ENPP2: variants seen among roughly 807,000 people sequenced by gnomAD.
The protein encoded by ENPP2 is autotaxin.
In ENPP2, 51 loss-of-function variants were observed where a neutral mutation model predicts 120.2. The ratio of observed to expected loss-of-function variants is 0.42; its 90% CI spans 0.34 to 0.54. The LOEUF is 0.54. Among genes scored for constraint, ENPP2 ranks in the 20% least tolerant of loss-of-function variants. The probability of loss-of-function intolerance (pLI) is 0.04; values close to 1 mark genes in which losing one functional copy is unlikely to be tolerated. For synonymous variants in ENPP2, 365 were observed against 366.4 expected (o/e 1.00, Z 0.04); for missense variants, 920 against 1,066.5 (o/e 0.86, Z 1.91).
At position 119,584,976 on chromosome 8, in the gene ENPP2, A is replaced by G. The variant is rs796076082; in HGVS notation, c.1368-927T>C. Among the ~76,000 whole-genome samples, 72 of 152,340 alleles carry G rather than the reference A, an allele frequency of 4.7e-4. 1 individual carries two copies. The highest frequency in any genetic ancestry group is 1.7e-3 in the African/African-American group (70 of 41,580). On this transcript the variant is annotated intron_variant, in intron 15 of 24. Coordinates refer to ENST00000075322, the MANE Select transcript of ENPP2 (RefSeq NM_001040092.3). ...AACAATGCAAGATGAGTTAAATTTA[A>G]AAGATGCATTGTTAACCAACATGCC... is the stretch of plus-strand genomic sequence containing the variant.
intron 24 of ENPP2, among the ~76,000 whole-genome samples, chr8:119,558,429 G>A (rs568133469): frequency 5.9e-4 from 90 of 152,160 alleles, no homozygotes; most frequent in Non-Finnish European, 1.1e-3. Context: ...GGGAAGAAGC[G>A]GGGGGAAAGG....
rs115445030 is a variant in ENPP2 at position 119,655,710 on chromosome 8, A to G, written c.22-17183T>C. ...TACTGAATTCTCTCAACAGTCTTAC[A>G]AAATACATACTGGTTTCTCTTTTTG... On this transcript the variant is annotated intron_variant, in intron 1 of 25. Transcript: ENST00000427067. Among the ~76,000 whole-genome samples the G allele has an allele frequency of 6.8e-3, 1,038 of 152,336 alleles. 7 individuals are homozygous for G. The highest frequency in any genetic ancestry group is 0.024 in the African/African-American group (1,004 of 41,580).
In ENPP2 at chr8:119,607,908, TA is replaced by T; in HGVS notation, c.833+13del. 1 of 1,546,160 alleles carries T rather than the reference TA, an allele frequency of 6.5e-7. No individual in the cohort carries two copies. Among genetic ancestry groups the T allele is most frequent in the Admixed American group, 1.9e-5 (1 of 52,576 alleles). ...TGTCATTTTATAAACATTGACAAAA[TA>T]AAGGTAACTTACACAGACCAAAAGA... On this transcript the variant is annotated intron_variant, in intron 9 of 24. Transcript: ENST00000075322.
chr8:119,638,520 G>A lies in ENPP2; in HGVS notation c.41C>T (p.Ser14Phe). The A allele has an allele frequency of 6.3e-7, 1 of 1,575,334 alleles. No homozygotes were observed. Among genetic ancestry groups the A allele is most frequent in the Non-Finnish European group, 8.7e-7 (1 of 1,144,644 alleles). ...GACTCCAACGGCAAAAGTGAACAGG[G>A]ATATTATCTAAGAGAATAAAGAGAC... is the stretch of plus-strand genomic sequence containing the variant. ...RSSFQSCQII[S>F]LFTFAVGVNI... The change falls in exon 2 of 25, where the codon TCC (serine) becomes TTC (phenylalanine). Residue 14 changes from serine (S) to phenylalanine (F), a missense_variant. Transcript: ENST00000075322.
At chr8:119,574,005 G>A (rs1812159760) in intron 19 of ENPP2, among the ~76,000 whole-genome samples, 1 of 151,922 alleles carries the variant, frequency 6.6e-6, no homozygotes, top group Admixed American at 6.6e-5. Context: ...TCCAACCAAG[G>A]TCCCCAATGA....
intron 8 of ENPP2, among the ~76,000 whole-genome samples, chr8:119,612,846 T>C (rs978353999): frequency 6.6e-6 from 1 of 152,168 alleles, no homozygotes; most frequent in Non-Finnish European, 1.5e-5. Flanking sequence ...GCCAAAATCA[T>C]GCCACTGCAC....
intron 19 of ENPP2, among the ~76,000 whole-genome samples, chr8:119,575,657 A>C (rs562209836): frequency 6.6e-6 from 1 of 152,288 alleles, no homozygotes; most frequent in African/African-American, 2.4e-5. Flanking sequence ...GGTACTCTGT[A>C]ACTTAATCTC....
At chr8:119,666,325 C>CA (rs904641045) in intron 1 of ENPP2, among the ~76,000 whole-genome samples, 1 of 151,964 alleles carries the variant, frequency 6.6e-6, no homozygotes, top group Admixed American at 6.6e-5. Context: ...ATTATTGCTT[C>CA]AAACAAAGCA....
At chr8:119,606,186 A>G (rs187785482) in intron 9 of ENPP2, among the ~76,000 whole-genome samples, 13 of 152,288 alleles carry the variant, frequency 8.5e-5, no homozygotes, top group African/African-American at 1.4e-4. Context: ...TTCAAAAAAA[A>G]GGGGAAAAAA....
chr8:119,576,867 A>T (rs965019392), intron 19 of ENPP2, among the ~76,000 whole-genome samples: 4 of 152,238 alleles, frequency 2.6e-5, no homozygotes, highest in Non-Finnish European at 4.4e-5. Flanking sequence ...ATTAAAGTTT[A>T]GCAAGCAGCT....
At chr8:119,637,606 T>A (rs981869016) in intron 2 of ENPP2, among the ~76,000 whole-genome samples, 1 of 152,162 alleles carries the variant, frequency 6.6e-6, no homozygotes. Flanking sequence ...TCAGGAAAAG[T>A]CCAGAAAATA....
upstream of ENPP2, among the ~76,000 whole-genome samples, chr8:119,642,568 T>A (rs1817314391): frequency 6.6e-6 from 1 of 152,250 alleles, no homozygotes; most frequent in South Asian, 2.1e-4. Flanking sequence ...GCATGTTGAA[T>A]TGTTTGGCCT....
chr8:119,671,477 A>T (rs931371013), intron 1 of ENPP2, among the ~76,000 whole-genome samples: 1 of 152,192 alleles, frequency 6.6e-6, no homozygotes, highest in Non-Finnish European at 1.5e-5. Context: ...ATGTGTATGA[A>T]TTATACTCAG....
At chr8:119,595,728 G>A (rs941696923) in intron 11 of ENPP2, 1 of 914,760 alleles carries the variant, frequency 1.1e-6, no homozygotes, top group Non-Finnish European at 1.7e-6. Context: ...TCAAAGCCAA[G>A]GTCAATGCAC....
rs1812817903 is a variant in ENPP2 at position 119,582,498 on chromosome 8, T to C, written c.1648A>G (p.Arg550Gly). Residue 550 changes from arginine to glycine, a missense_variant, in exon 18 of 25, where the codon AGA becomes GGA. By Grantham distance (125) the Arg-to-Gly change is moderately radical. Transcript: ENST00000075322. ...FRPTMPEEVT[R>G]PNYPGIMYLQ... Reference sequence around the variant, plus strand: ...TACATAATCCCTGGATAATTGGGTCTGGTAACTTCCTCTGGCATGGTTGGC... The same window carrying C: ...TACATAATCCCTGGATAATTGGGTCCGGTAACTTCCTCTGGCATGGTTGGC... 1.2e-6 allele frequency: 2 copies of C among 1,614,112 alleles called. No individual in the cohort carries two copies. The highest frequency in any genetic ancestry group is 1.7e-6 in the Non-Finnish European group (2 of 1,179,938).
At chr8:119,597,282 A>G (rs1229272009) in intron 11 of ENPP2, among the ~76,000 whole-genome samples, 1 of 152,294 alleles carries the variant, frequency 6.6e-6, no homozygotes, top group South Asian at 2.1e-4. Context: ...TTTCCGTTTC[A>G]TGGTCACTGA....
At position 119,662,097 on chromosome 8, in the gene ENPP2, G is replaced by C. The variant is rs972604477; in HGVS notation, c.21+11155C>G. Reference sequence around the variant, plus strand: ...TATCTTATTCCTCCAGGAGGACTAGGTTCTCAAACTCTATTATACAGCATG... The same window carrying C: ...TATCTTATTCCTCCAGGAGGACTAGCTTCTCAAACTCTATTATACAGCATG... On this transcript the variant is annotated intron_variant, in intron 1 of 25. Transcript: ENST00000427067. 3.9e-5 allele frequency among the ~76,000 whole-genome samples: 6 copies of C among 152,054 alleles called. No homozygotes were observed. In the East Asian group the frequency reaches 1.2e-3, roughly 29 times the overall value.
Position 119,616,300 on chromosome 8 carries a change from C to G in ENPP2, c.742G>C (p.Glu248Gln), listed in dbSNP as rs760057302. Reference sequence around the variant, plus strand: ...CCCCACCATCTATGATTAAATTTCTCTCGCCCTCGCAGATGAAAAGTGGCA... The same window carrying G: ...CCCCACCATCTATGATTAAATTTCTGTCGCCCTCGCAGATGAAAAGTGGCA... Reference protein sequence around the residue: ...FDATFHLRGREKFNHRWWGGQ... With the variant: ...FDATFHLRGRQKFNHRWWGGQ... Residue 248 changes from glutamate to glutamine, a missense_variant, in exon 8 of 25, where the codon GAG becomes CAG. Glu to Gln is a conservative substitution (Grantham distance 29, BLOSUM62 2). Transcript: ENST00000075322. 6.2e-7 allele frequency: 1 copy of G among 1,608,910 alleles called. No individual in the cohort carries two copies. The highest frequency in any genetic ancestry group is 1.3e-5 in the African/African-American group (1 of 74,856).
intron 20 of ENPP2, 117 bp from the exon 21 acceptor site, chr8:119,569,487 T>A (rs994631346): frequency 2.1e-5 from 19 of 904,294 alleles, no homozygotes; most frequent in Non-Finnish European, 2.7e-5. Flanking sequence ...ACTCCTTTTT[T>A]AAATTTTTTA....
Sources: allele counts gnomAD v4.1 joint callset (sites outside exome capture counted in the v4.1 genomes callset), GRCh38; gene constraint gnomAD v4.1.1; transcripts MANE v1.5; gene names NCBI Gene and HGNC (gene_info 2026-07-23, HGNC 2026-07-21).